DMXL1: variants seen among roughly 807,000 people sequenced by gnomAD.
DMXL1 encodes the protein dmX-like protein 1.
In DMXL1, 99 loss-of-function variants were observed where a neutral mutation model predicts 319.2. The observed-to-expected ratio is 0.31, with a 90% CI of 0.26 to 0.37. The LOEUF is 0.37. Ranked by LOEUF, DMXL1 falls within the 10% of genes least tolerant of loss-of-function variation. The pLI, the probability that DMXL1 is intolerant of heterozygous loss-of-function variation, is 1.00. For synonymous variants in DMXL1, 1,385 were observed against 1,235.2 expected (o/e 1.12, Z -2.54); for missense variants, 3,745 against 3,595.6 (o/e 1.04, Z -1.06).
chr5:119,219,923 C>T (rs1243082439), intron 35 of DMXL1, among the ~76,000 whole-genome samples: 1 of 151,706 alleles, frequency 6.6e-6, no homozygotes, highest in African/African-American at 2.4e-5. Context: ...TTAACCTTAG[C>T]AACTTTTCAT....
rs116491286 is a variant in DMXL1, at chr5:119,188,377, A to G, written c.7136-1331A>G. 3.5e-3 allele frequency among the ~76,000 whole-genome samples: 527 copies of G among 152,356 alleles called. 3 individuals are homozygous for G. The highest frequency in any genetic ancestry group is 0.012 in the African/African-American group (519 of 41,582). On this transcript the variant is annotated intron_variant, in intron 28 of 43. Coordinates refer to ENST00000539542, the MANE Select transcript of DMXL1 (RefSeq NM_001290321.3). ...TGAGTCAAGGGATTAAATCCAGCCT[A>G]GGCAACATAAGGAGACCTCCATCTC...
chr5:119,081,787 G>A (rs1752241480), intron 1 of DMXL1: 1 of 928,618 alleles, frequency 1.1e-6, no homozygotes, highest in Non-Finnish European at 1.3e-6. Flanking sequence ...TTTGAAGGTA[G>A]TTTTTGGCCA....
chr5:119,092,260 TTTCTTTTTCTTTTATTTAAGAAAAA>T (rs1469591867), intron 1 of DMXL1, among the ~76,000 whole-genome samples: 48 of 152,306 alleles, frequency 3.2e-4, no homozygotes, highest in African/African-American at 1.1e-3. Context: ...TGTTTTGGGT[TTTCTTTTTCTTTTATTTAAGAAAAA>T]TTCTTTTTCT....
Position 119,167,748 on chromosome 5 carries a change from C to T in DMXL1, c.5282C>T (p.Ser1761Leu), listed in dbSNP as rs1773721705. ...GATTCTCCTGTCAGTGAACTGTGTTCATTGAACATAAATATGCATCATGAT... is the reference window on the plus strand; with the variant it reads ...GATTCTCCTGTCAGTGAACTGTGTTTATTGAACATAAATATGCATCATGAT... ...GIDSPVSELC[S>L]LNINMHHDPF... is the part of the protein sequence containing the mutation. Residue 1761 changes from serine (S) to leucine (L), a missense_variant, in exon 23 of 44, where the codon TCA (serine) becomes TTA (leucine). By Grantham distance (145) the Ser-to-Leu change is moderately radical. Coordinates refer to ENST00000539542, the MANE Select transcript of DMXL1 (RefSeq NM_001290321.3). 1.2e-6 allele frequency: 2 copies of T among 1,613,460 alleles called. No homozygotes were observed. Among genetic ancestry groups the T allele is most frequent in the Admixed American group, 1.7e-5 (1 of 59,984 alleles).
rs1459402292 is a variant in DMXL1, at chr5:119,159,208, C to T, written c.4703-5299C>T. 4.6e-5 allele frequency among the ~76,000 whole-genome samples: 7 copies of T among 152,010 alleles called. No individual in the cohort carries two copies. The South Asian group carries it at 1.2e-3, about 27-fold the overall frequency. ...AGTGCAGTGGTGCAATCTCGGCTCA[C>T]TGCAACTTCTGCCCCCGGGTTTCAG... is the stretch of plus-strand genomic sequence containing the variant. On this transcript the variant is annotated intron_variant, in intron 19 of 43. Transcript: ENST00000539542.
intron 13 of DMXL1, 105 bp downstream of exon 13, chr5:119,134,494 G>A (rs1330752122): frequency 1.0e-5 from 10 of 978,068 alleles, no homozygotes; most frequent in South Asian, 4.0e-5. Context: ...TTTGTAATAA[G>A]CATTTGTATC....
At chr5:119,196,515 GTTTTTT>G (rs537016412) in intron 31 of DMXL1, 59 bp downstream of exon 31, 82 of 560,384 alleles carry the variant, frequency 1.5e-4, no homozygotes, top group Middle Eastern at 4.9e-4. Context: ...CTACTCTGTT[GTTTTTT>G]TTTTTTTTTT....
At chr5:119,144,896 A>G (rs980748259) in intron 15 of DMXL1, among the ~76,000 whole-genome samples, 1 of 151,694 alleles carries the variant, frequency 6.6e-6, no homozygotes, top group Non-Finnish European at 1.5e-5. Flanking sequence ...AACATATGAG[A>G]GCTTTTTGCA....
intron 32 of DMXL1, 127 bp from the exon 33 acceptor site, chr5:119,203,192 A>G (rs554457252): frequency 1.7e-6 from 1 of 577,224 alleles, no homozygotes; most frequent in South Asian, 2.7e-5. Flanking sequence ...TGGCCATATG[A>G]TCTGCCTCCA....
chr5:119,124,411 A>T (rs1450835636), intron 9 of DMXL1, among the ~76,000 whole-genome samples: 1 of 152,106 alleles, frequency 6.6e-6, no homozygotes, highest in Non-Finnish European at 1.5e-5. Context: ...TGAGAAGGGA[A>T]CCTCAACTTC....
chr5:119,150,379 A>G lies in DMXL1; in HGVS notation c.4552A>G (p.Thr1518Ala), dbSNP rs770011942. The G allele has an allele frequency of 9.3e-6, 15 of 1,613,504 alleles. No individual in the cohort carries two copies. The highest frequency in any genetic ancestry group is 1.6e-4 in the Middle Eastern group (1 of 6,074). ...SLMALADTIA[T>A]TSTDIGESRD... ...GATGGCCTTAGCAGATACAATTGCA[A>G]CTACAAGCACTGATATTGGAGAAAG... Residue 1518 changes from threonine to alanine, a missense_variant, in exon 18 of 44, where the codon ACT becomes GCT. Physicochemically the swap from Thr to Ala is moderately conservative, Grantham distance 58. Coordinates refer to ENST00000539542, the MANE Select transcript of DMXL1 (RefSeq NM_001290321.3).
chr5:119,121,432 T>TC (rs1218346162), intron 9 of DMXL1, among the ~76,000 whole-genome samples: 2 of 152,118 alleles, frequency 1.3e-5, no homozygotes, highest in Non-Finnish European at 2.9e-5. Flanking sequence ...CCTGCGGCCT[T>TC]CCGCTGTGTT....
intron 7 of DMXL1, among the ~76,000 whole-genome samples, chr5:119,117,237 T>C (rs1761044161): frequency 6.6e-6 from 1 of 152,120 alleles, no homozygotes; most frequent in South Asian, 2.1e-4. Context: ...GATGGGGTTT[T>C]GCCATGTTGC....
At chr5:119,199,956 G>A (rs1040742357) in intron 32 of DMXL1, among the ~76,000 whole-genome samples, 6 of 151,994 alleles carry the variant, frequency 3.9e-5, no homozygotes, top group South Asian at 2.1e-4. Context: ...GTTGAAGTTC[G>A]TTATAGATGC....
intron 34 of DMXL1, among the ~76,000 whole-genome samples, chr5:119,208,624 T>C (rs1194374818): frequency 6.6e-6 from 1 of 152,098 alleles, no homozygotes; most frequent in African/African-American, 2.4e-5. Flanking sequence ...CAAAATACAG[T>C]CTTTTTGAGG....
intron 1 of DMXL1, among the ~76,000 whole-genome samples, chr5:119,092,095 C>T (rs536003651): frequency 3.4e-4 from 52 of 152,166 alleles, no homozygotes; most frequent in African/African-American, 1.2e-3. Context: ...AAGTGCTGGG[C>T]AGAATTGGGG....
chr5:119,239,030 C>T lies in DMXL1; in HGVS notation c.8601C>T (p.Phe2867=). Residue 2867 remains phenylalanine (F), a synonymous_variant, in exon 41 of 44, where the codon TTC becomes TTT. Transcript: ENST00000539542. ...ACAAAACAGCCAATGATTTTGTCTT[C>T]GTTAGTTCCTCCTCTCTGATAGCTA... ...CHNKTANDFV[F]VSSSSLIATA... The T allele has an allele frequency of 1.2e-6, 2 of 1,613,782 alleles. No homozygotes were observed. Among genetic ancestry groups the T allele is most frequent in the Non-Finnish European group, 1.7e-6 (2 of 1,179,910 alleles).
intron 26 of DMXL1, among the ~76,000 whole-genome samples, chr5:119,175,545 C>G (rs917435980): frequency 5.3e-5 from 8 of 152,038 alleles, no homozygotes; most frequent in Non-Finnish European, 8.8e-5. Flanking sequence ...TATTTAGCAG[C>G]CTATTACTGG....
chr5:119,072,516 A>C (rs1469675172), intron 1 of DMXL1, among the ~76,000 whole-genome samples: 1 of 152,228 alleles, frequency 6.6e-6, no homozygotes, highest in East Asian at 1.9e-4. Flanking sequence ...TGGGAATACT[A>C]AGTGCTGTAG....
Sources: allele counts gnomAD v4.1 joint callset (sites outside exome capture counted in the v4.1 genomes callset), GRCh38; gene constraint gnomAD v4.1.1; transcripts MANE v1.5; gene names NCBI Gene and HGNC (gene_info 2026-07-23, HGNC 2026-07-21).